Variants in RIT2 observed in about 807,000 individuals in gnomAD.
RIT2 encodes the protein Ras like without CAAX 2.
Under a neutral mutation model 23.7 loss-of-function variants are expected in RIT2, and 24 were observed. The observed-to-expected ratio is 1.01, with a 90% CI of 0.73 to 1.43. RIT2 has a LOEUF of 1.43. Ranked by LOEUF, RIT2 falls within the 40% of genes most tolerant of loss-of-function variation. The pLI, the probability that RIT2 is intolerant of heterozygous loss-of-function variation, is 0.00. For missense variants in RIT2, 236 were observed against 266.9 expected, an observed-to-expected ratio of 0.88 and a Z score of 0.81; for synonymous variants, 107 against 91.1, an observed-to-expected ratio of 1.17 and a Z score of -0.99.
intron 4 of RIT2, among the ~76,000 whole-genome samples, chr18:42,894,669 C>T (rs1908275002): frequency 6.6e-6 from 1 of 152,040 alleles, no homozygotes; most frequent in South Asian, 2.1e-4. Context: ...ATAATGAGAG[C>T]AGTTTATTAG....
At chr18:42,778,341 C>T (rs1913725102) in intron 4 of RIT2, among the ~76,000 whole-genome samples, 1 of 152,072 alleles carries the variant, frequency 6.6e-6, no homozygotes, top group African/African-American at 2.4e-5. Flanking sequence ...TTTAGTTAAC[C>T]CTTGGAAATC....
At chr18:43,078,288 C>T (rs755534313) in intron 1 of RIT2, among the ~76,000 whole-genome samples, 1 of 152,190 alleles carries the variant, frequency 6.6e-6, no homozygotes, top group Non-Finnish European at 1.5e-5. Flanking sequence ...ACAGGTTGAG[C>T]CTGTCCCCAC....
At chr18:42,749,690 C>A (rs1913001139) in intron 4 of RIT2, among the ~76,000 whole-genome samples, 2 of 151,652 alleles carry the variant, frequency 1.3e-5, no homozygotes, top group South Asian at 4.1e-4. Flanking sequence ...TGATGTTTGT[C>A]CCAATATATC....
intron 1 of RIT2, among the ~76,000 whole-genome samples, chr18:43,063,007 CAA>C (rs1383565914): frequency 1.3e-5 from 2 of 151,702 alleles, no homozygotes; most frequent in Non-Finnish European, 2.9e-5. Context: ...ATGGACATGG[CAA>C]AGAGATGGCT....
intron 4 of RIT2, among the ~76,000 whole-genome samples, chr18:42,908,570 A>T (rs2144116044): frequency 6.6e-6 from 1 of 152,334 alleles, no homozygotes; most frequent in Non-Finnish European, 1.5e-5. Context: ...CTATAAAGAA[A>T]AAGCAGGTTT....
chr18:42,893,839 G>C (rs1908249217), intron 4 of RIT2, among the ~76,000 whole-genome samples: 1 of 151,868 alleles, frequency 6.6e-6, no homozygotes. Flanking sequence ...ATTACTCTTT[G>C]GTTATTTTTC....
intron 1 of RIT2, among the ~76,000 whole-genome samples, chr18:43,066,810 G>A (rs373081500): frequency 6.6e-6 from 1 of 151,716 alleles, no homozygotes; most frequent in South Asian, 2.1e-4. Context: ...ATGAGGTGGA[G>A]CTTTTAAAGA....
intron 4 of RIT2, among the ~76,000 whole-genome samples, chr18:42,913,392 C>A (rs1210517840): frequency 1.3e-5 from 2 of 151,642 alleles, no homozygotes; most frequent in Non-Finnish European, 1.5e-5. Context: ...ACATCGAGTT[C>A]ATCAAAATGT....
intron 4 of RIT2, among the ~76,000 whole-genome samples, chr18:42,868,506 T>C (rs1390745953): frequency 1.3e-5 from 2 of 152,328 alleles, no homozygotes; most frequent in East Asian, 3.9e-4. Context: ...GTAACAAACA[T>C]TATTTTTAAT....
intron 4 of RIT2, among the ~76,000 whole-genome samples, chr18:42,908,057 A>C (rs1169490244): frequency 6.6e-6 from 1 of 151,980 alleles, no homozygotes; most frequent in Non-Finnish European, 1.5e-5. Context: ...GGAAAATCTC[A>C]GGACATAAAT....
At chr18:42,749,887 A>G (rs1048660677) in intron 4 of RIT2, among the ~76,000 whole-genome samples, 1 of 151,720 alleles carries the variant, frequency 6.6e-6, no homozygotes, top group Non-Finnish European at 1.5e-5. Context: ...TGTATGCAAC[A>G]AAGACATGCA....
intron 3 of RIT2, among the ~76,000 whole-genome samples, chr18:42,971,998 A>G (rs1004223716): frequency 2.0e-5 from 3 of 152,066 alleles, no homozygotes; most frequent in Non-Finnish European, 4.4e-5. Context: ...TGAATATTCA[A>G]TAAATGAAAA....
At chr18:42,935,023 G>T (rs912722805) in intron 3 of RIT2, among the ~76,000 whole-genome samples, 2 of 151,718 alleles carry the variant, frequency 1.3e-5, no homozygotes, top group Non-Finnish European at 2.9e-5. Context: ...CTTGGGAATC[G>T]TCAAACACAG....
intron 1 of RIT2, among the ~76,000 whole-genome samples, chr18:43,091,067 A>C (rs1319597388): frequency 6.6e-6 from 1 of 151,956 alleles, no homozygotes; most frequent in Non-Finnish European, 1.5e-5. Flanking sequence ...AAAAGAAGAA[A>C]ATTCTTTAAA....
chr18:42,959,385 A>T (rs1199962167), intron 3 of RIT2, among the ~76,000 whole-genome samples: 1 of 152,186 alleles, frequency 6.6e-6, no homozygotes, highest in East Asian at 1.9e-4. Flanking sequence ...TTCAGGAATT[A>T]CAGTATATAT....
intron 3 of RIT2, among the ~76,000 whole-genome samples, chr18:42,936,217 C>A (rs1342781375): frequency 6.6e-6 from 1 of 152,094 alleles, no homozygotes; most frequent in African/African-American, 2.4e-5. Context: ...AGACCCTATT[C>A]TCCTGCCTCA....
At chr18:42,878,891 G>A (rs1168520257) in intron 4 of RIT2, among the ~76,000 whole-genome samples, 3 of 145,412 alleles carry the variant, frequency 2.1e-5, no homozygotes, top group Non-Finnish European at 4.5e-5. Context: ...TCTTTATGGC[G>A]TATTTTGACT....
intron 1 of RIT2, among the ~76,000 whole-genome samples, chr18:43,097,264 C>T (rs536410543): frequency 4.1e-4 from 62 of 151,716 alleles, no homozygotes; most frequent in Admixed American, 3.3e-3. Context: ...GACCAGGGAG[C>T]GACAATTTGA....
intron 4 of RIT2, among the ~76,000 whole-genome samples, chr18:42,880,873 T>C (rs1456561658): frequency 6.8e-6 from 1 of 147,266 alleles, no homozygotes; most frequent in Admixed American, 7.0e-5. Flanking sequence ...AATGGCATGA[T>C]CTCGGCTCAC....
Sources: gnomAD v4.1 joint callset for allele counts (sites outside exome capture counted in the v4.1 genomes callset) on GRCh38, gnomAD v4.1.1 for gene constraint, MANE v1.5 for transcripts, NCBI Gene and HGNC (gene_info 2026-07-23, HGNC 2026-07-21) for gene names.